The following SLCO2B1 variants were observed in gnomAD, a reference collection of about 807,000 sequenced individuals.
The protein encoded by SLCO2B1 is solute carrier organic anion transporter family member 2B1.
A neutral mutation model predicts 67.3 loss-of-function variants in SLCO2B1; 41 were observed. That is an observed-to-expected ratio of 0.61 (90% CI 0.47 to 0.79). The LOEUF (loss-of-function observed/expected upper bound fraction) is 0.79, where lower values mean the gene tolerates loss of function less well. SLCO2B1 is among the 30% of genes least tolerant of loss of function. SLCO2B1 has a pLI of 0.00. For synonymous variants in SLCO2B1, 379 were observed against 381.4 expected (o/e 0.99, Z 0.07); for missense variants, 837 against 920.1 (o/e 0.91, Z 1.17).
rs1170905766 is a variant in SLCO2B1, at chr11:75,193,049, G to C, written c.1076-169G>C. Reference sequence around the variant, plus strand: ...CAGAGAGAGAAAAAAAAAGGGACTAGAGTAAATGGAATGGAGTCAAGTGGG... The same window carrying C: ...CAGAGAGAGAAAAAAAAAGGGACTACAGTAAATGGAATGGAGTCAAGTGGG... On this transcript the variant is annotated intron_variant, in intron 8 of 13. Transcript: ENST00000289575. The surrounding 1 kb of genome is among the most constrained non-coding windows in gnomAD (Gnocchi z 4.2). Among the ~76,000 whole-genome samples, 1 of 152,132 alleles carries C rather than the reference G, an allele frequency of 6.6e-6. No homozygotes were observed. Among genetic ancestry groups the C allele is most frequent in the Non-Finnish European group, 1.5e-5 (1 of 68,014 alleles).
intron 5 of SLCO2B1, 69 bp downstream of exon 5, chr11:75,169,475 A>G (rs565434242): frequency 7.0e-7 from 1 of 1,423,208 alleles, no homozygotes; most frequent in Non-Finnish European, 9.6e-7. Context: ...AGAGAGACCC[A>G]GGGTTGGGGC....
Position 75,151,197 on chromosome 11 carries a change from T to C in SLCO2B1, c.-185T>C. The C allele has an allele frequency of 1.7e-6, 1 of 601,982 alleles. No individual in the cohort carries two copies. Among genetic ancestry groups the C allele is most frequent in the Admixed American group, 2.8e-5 (1 of 35,420 alleles). 37.3% of individuals were successfully genotyped at this position (601,982 alleles called of 1,614,324 possible). A position where few individuals can be genotyped will look rare whatever the true frequency, so the allele number is the denominator to read the frequency against. On this transcript the variant is annotated 5_prime_UTR_variant, in exon 1 of 14. Coordinates refer to ENST00000289575, the MANE Select transcript of SLCO2B1 (RefSeq NM_007256.5). ...TCCCTAACCTGTGTCTGGACAAGTC[T>C]GATGTCCTGTGTGGCCCAAGAAGAA...
At chr11:75,174,382 G>A (rs1049967765) in intron 7 of SLCO2B1, among the ~76,000 whole-genome samples, 1 of 151,990 alleles carries the variant, frequency 6.6e-6, no homozygotes, top group Admixed American at 6.6e-5. Context: ...GAGAGGGTGG[G>A]GGCGGGGAGA....
At chr11:75,166,211 G>T (rs1448692234) in intron 4 of SLCO2B1, among the ~76,000 whole-genome samples, 1 of 152,094 alleles carries the variant, frequency 6.6e-6, no homozygotes, top group Non-Finnish European at 1.5e-5. Context: ...TTTTTAGGTG[G>T]GGGTGAATTT....
intron 1 of SLCO2B1, among the ~76,000 whole-genome samples, chr11:75,157,686 G>A (rs1949763835): frequency 6.6e-6 from 1 of 152,234 alleles, no homozygotes. Context: ...ACCTCTTTGA[G>A]GTCGTATAGA....
chr11:75,203,805 G>A, intron 13 of SLCO2B1: 1 of 202,108 alleles, frequency 4.9e-6, no homozygotes, highest in Non-Finnish European at 1.0e-5. Context: ...TTCAGGCCCA[G>A]CTCTGTCTCC....
At chr11:75,153,924 CTTTT>C (rs538639501) in intron 1 of SLCO2B1, among the ~76,000 whole-genome samples, 3 of 123,964 alleles carry the variant, frequency 2.4e-5, no homozygotes, top group Non-Finnish European at 3.3e-5. Context: ...GTGTACAGTA[CTTTT>C]TTTTTTTTTT....
chr11:75,152,946 T>C (rs969730584), intron 1 of SLCO2B1, among the ~76,000 whole-genome samples: 1 of 152,086 alleles, frequency 6.6e-6, no homozygotes, highest in Non-Finnish European at 1.5e-5. Context: ...GCTGTCCCAG[T>C]CAGGGCAGAC....
chr11:75,151,538 A>C (rs2140298046), intron 1 of SLCO2B1, 141 bp downstream of exon 1: 1 of 792,880 alleles, frequency 1.3e-6, no homozygotes, highest in South Asian at 1.6e-5. Context: ...ACATGGCCGG[A>C]GTTCAGTGAA....
At chr11:75,190,077 C>A (rs370256707) in intron 8 of SLCO2B1, among the ~76,000 whole-genome samples, 5 of 152,152 alleles carry the variant, frequency 3.3e-5, no homozygotes, top group Admixed American at 1.3e-4. Flanking sequence ...TGGGCCTAGA[C>A]GCAGCGGCCG....
At chr11:75,203,465 G>C in intron 13 of SLCO2B1, 38 bp downstream of exon 13, 1 of 1,612,146 alleles carries the variant, frequency 6.2e-7, no homozygotes, top group Non-Finnish European at 8.5e-7. Flanking sequence ...AAGGGTGCTG[G>C]AAATACTCTC....
intron 7 of SLCO2B1, among the ~76,000 whole-genome samples, chr11:75,179,658 A>G (rs1400478473): frequency 1.3e-5 from 2 of 152,384 alleles, no homozygotes; most frequent in African/African-American, 2.4e-5. Context: ...TTTTCAATGT[A>G]TAACCAATCA....
chr11:75,177,733 A>G (rs138931571), intron 7 of SLCO2B1, among the ~76,000 whole-genome samples: 229 of 152,296 alleles, frequency 1.5e-3, no homozygotes, highest in African/African-American at 5.0e-3. Context: ...GATGAGCCAG[A>G]GGTTCAGATG....
chr11:75,174,968 C>T (rs187006513), intron 7 of SLCO2B1, among the ~76,000 whole-genome samples: 3 of 152,222 alleles, frequency 2.0e-5, no homozygotes, highest in Non-Finnish European at 2.9e-5. Context: ...ATATCCTGTG[C>T]GCCTCAGATT....
intron 9 of SLCO2B1, among the ~76,000 whole-genome samples, chr11:75,194,542 C>T (rs1287404721): frequency 6.6e-6 from 1 of 152,058 alleles, no homozygotes; most frequent in Non-Finnish European, 1.5e-5. Flanking sequence ...TGATCTCTCC[C>T]CCATCTCCCC....
intron 13 of SLCO2B1, 198 bp from the exon 14 acceptor site, chr11:75,204,202 G>A (rs975578836): frequency 1.5e-5 from 8 of 520,524 alleles, no homozygotes; most frequent in East Asian, 6.5e-5. Context: ...AGGACAGGGC[G>A]ATGAAGATGG....
rs1043585487 is a variant in SLCO2B1, at chr11:75,193,878, G to C, written c.1433+303G>C. On this transcript the variant is annotated intron_variant, in intron 9 of 13. Coordinates refer to ENST00000289575, the MANE Select transcript of SLCO2B1 (RefSeq NM_007256.5). This position sits in a 1 kb window ranked among gnomAD's most constrained non-coding sequence, Gnocchi z 4.2. Reference sequence around the variant, plus strand: ...ACCCATGGGATGGCATGTCCAGGGTGACCAAGCCCTGTGGGCCCAACAGAG... The same window carrying C: ...ACCCATGGGATGGCATGTCCAGGGTCACCAAGCCCTGTGGGCCCAACAGAG... Among the ~76,000 whole-genome samples, 1 of 152,190 alleles carries C rather than the reference G, an allele frequency of 6.6e-6. No individual in the cohort carries two copies. The highest frequency in any genetic ancestry group is 1.5e-5 in the Non-Finnish European group (1 of 68,034).
chr11:75,185,660 A>G lies in SLCO2B1; in HGVS notation c.973-2476A>G, dbSNP rs114050748. 2.9e-3 allele frequency among the ~76,000 whole-genome samples: 436 copies of G among 152,092 alleles called. 5 individuals carry two copies. Among genetic ancestry groups the G allele is most frequent in the African/African-American group, 0.01 (421 of 41,494 alleles). ...GGCTCTCACACAAGAAAGAATTCGG[A>G]GCAAGTCCATAGAGTAAAGTGAGAG... is the stretch of plus-strand genomic sequence containing the variant. On this transcript the variant is annotated intron_variant, in intron 7 of 13. Coordinates refer to ENST00000289575, the MANE Select transcript of SLCO2B1 (RefSeq NM_007256.5).
chr11:75,152,877 G>A (rs1174733620), intron 1 of SLCO2B1, among the ~76,000 whole-genome samples: 5 of 152,174 alleles, frequency 3.3e-5, no homozygotes, highest in African/African-American at 1.2e-4. Flanking sequence ...GTGTGGGAAT[G>A]TGGGTGGGGT....
Sources: allele counts gnomAD v4.1 joint callset (sites outside exome capture counted in the v4.1 genomes callset), GRCh38; gene constraint gnomAD v4.1.1; non-coding constraint Gnocchi (gnomAD v3.1); transcripts MANE v1.5; gene names NCBI Gene and HGNC (gene_info 2026-07-23, HGNC 2026-07-21).